Variants in SULT1C3 observed in about 807,000 individuals in gnomAD.
The protein encoded by SULT1C3 is sulfotransferase 1C3.
In SULT1C3, 31 loss-of-function variants were observed where a neutral mutation model predicts 28.4. The observed-to-expected ratio is 1.09, with a 90% CI of 0.82 to 1.47. SULT1C3 has a LOEUF of 1.47. SULT1C3 is among the 40% of genes most tolerant of loss of function. The pLI is 0.00. For missense variants in SULT1C3, 307 were observed against 272.5 expected (o/e 1.13, Z -0.89); for synonymous variants, 106 against 92.2 (o/e 1.15, Z -0.86).
intron 1 of SULT1C3, among the ~76,000 whole-genome samples, chr2:108,243,181 T>C (rs1311810268): frequency 6.6e-6 from 1 of 152,194 alleles, no homozygotes; most frequent in African/African-American, 2.4e-5. Context: ...AAATTGTAAC[T>C]GAGACAGTGA....
chr2:108,246,429 T>C (rs1229010735), intron 1 of SULT1C3, among the ~76,000 whole-genome samples: 1 of 152,090 alleles, frequency 6.6e-6, no homozygotes, highest in Admixed American at 6.6e-5. Context: ...CTCACAGTCA[T>C]GGTGGAAGGC....
At chr2:108,261,643 G>A (rs1676029583), downstream of SULT1C3, among the ~76,000 whole-genome samples, 1 of 152,048 alleles carries the variant, frequency 6.6e-6, no homozygotes, top group South Asian at 2.1e-4. Flanking sequence ...TGTAAGAAAG[G>A]GGGGAAATTT....
chr2:108,246,243 C>A (rs189731556), intron 1 of SULT1C3, among the ~76,000 whole-genome samples: 24 of 152,196 alleles, frequency 1.6e-4, no homozygotes, highest in Admixed American at 2.6e-4. Flanking sequence ...CTGCCTGTTA[C>A]CCAGTTCCAA....
intron 2 of SULT1C3, among the ~76,000 whole-genome samples, chr2:108,249,790 A>T (rs1333194483): frequency 6.6e-6 from 1 of 151,922 alleles, no homozygotes; most frequent in Admixed American, 6.6e-5. Context: ...TGATAGAGTA[A>T]AGTGGCAGGG....
At chr2:108,253,518 A>C (rs1675787514) in intron 4 of SULT1C3, 76 bp downstream of exon 4, 1 of 741,498 alleles carries the variant, frequency 1.3e-6, no homozygotes, top group Non-Finnish European at 2.0e-6. Flanking sequence ...CTTTCAAAAT[A>C]ATATACTTTG....
chr2:108,253,224 T>C (rs1403451380), intron 3 of SULT1C3, 121 bp from the exon 4 acceptor site: 2 of 528,802 alleles, frequency 3.8e-6, no homozygotes, highest in Non-Finnish European at 6.0e-6. Flanking sequence ...GATAAAAAAT[T>C]ACTATTTCCA....
rs374249405 is a variant in SULT1C3 at position 108,243,358 on chromosome 2, G to A, written c.-8+3275G>A. 5.4e-4 allele frequency among the ~76,000 whole-genome samples: 82 copies of A among 152,220 alleles called. 1 individual carries two copies. In the South Asian group the frequency reaches 0.012, roughly 22 times the overall value. On this transcript the variant is annotated intron_variant, in intron 1 of 7. Coordinates refer to ENST00000681802, the MANE Select transcript of SULT1C3 (RefSeq NM_001320878.2). Reference sequence around the variant, plus strand: ...TTAAGATATGTTTCCAGGGCCGGGCGCGGTGGCTCACACCTGTAATCCCAG... The same window carrying A: ...TTAAGATATGTTTCCAGGGCCGGGCACGGTGGCTCACACCTGTAATCCCAG...
At chr2:108,243,088 A>G (rs1434864410) in intron 1 of SULT1C3, among the ~76,000 whole-genome samples, 1 of 152,216 alleles carries the variant, frequency 6.6e-6, no homozygotes, top group Non-Finnish European at 1.5e-5. Flanking sequence ...GAAACCAATG[A>G]GCCTTAATTA....
chr2:108,250,988 A>G (rs1406220738), intron 2 of SULT1C3, among the ~76,000 whole-genome samples: 1 of 152,060 alleles, frequency 6.6e-6, no homozygotes, highest in Non-Finnish European at 1.5e-5. Context: ...AAATTTCCTT[A>G]AACTACACAT....
rs981466133 is a variant in SULT1C3 at position 108,251,968 on chromosome 2, A to C, written c.173-397A>C. On this transcript the variant is annotated intron_variant, in intron 2 of 7. Transcript: ENST00000681802. ...TATTGGAAGATACAGCATTTTTGGC[A>C]TGAAGTGTCATAATATAGGAAATGT... Among the ~76,000 whole-genome samples, 17 of 152,048 alleles carry C rather than the reference A, an allele frequency of 1.1e-4. 1 individual carries two copies. Among genetic ancestry groups the C allele is most frequent in the Non-Finnish European group, 2.4e-4 (16 of 67,950 alleles).
chr2:108,252,566 G>C (rs1675759218), intron 3 of SULT1C3, 73 bp downstream of exon 3: 2 of 1,543,396 alleles, frequency 1.3e-6, no homozygotes, highest in Admixed American at 3.8e-5. Context: ...GTCTCTGATA[G>C]AGCATCCGTG....
rs758031794 is a variant in SULT1C3, at chr2:108,259,011, ACTTGGT to A, written c.669_674del (p.Trp224_Ser225del). ...CAAGGTGTTGGAATTCTTGGAGAAA[ACTTGGT>A]CAGGTGATGTTATAAACAAGATTGT... On this transcript the variant is annotated inframe_deletion, in exon 7 of 8. Transcript: ENST00000681802. The A allele has an allele frequency of 9.2e-6, 3 of 326,370 alleles. No homozygotes were observed. The South Asian group carries it at 1.2e-4, about 13-fold the overall frequency. 20.2% of individuals were successfully genotyped at this position (326,370 alleles called of 1,614,324 possible).
At chr2:108,263,229 T>C (rs1225340587), downstream of SULT1C3, among the ~76,000 whole-genome samples, 1 of 152,158 alleles carries the variant, frequency 6.6e-6, no homozygotes, top group Non-Finnish European at 1.5e-5. Flanking sequence ...TAATCCTAAC[T>C]GGGTACTGTT....
chr2:108,241,791 A>G (rs1675465524), intron 1 of SULT1C3, among the ~76,000 whole-genome samples: 2 of 151,962 alleles, frequency 1.3e-5, no homozygotes, highest in Admixed American at 1.3e-4. Flanking sequence ...GCTGGGCATG[A>G]TGGCGGGTGC....
At chr2:108,264,078 G>A (rs758605163), downstream of SULT1C3, among the ~76,000 whole-genome samples, 40 of 152,242 alleles carry the variant, frequency 2.6e-4, no homozygotes, top group Non-Finnish European at 4.0e-4. Flanking sequence ...ACATCATAAA[G>A]CAAAGTTTAA....
chr2:108,265,283 G>A (rs142520746), downstream of SULT1C3: 2 of 1,613,924 alleles, frequency 1.2e-6, no homozygotes. Flanking sequence ...GGCCCAAAAT[G>A]AAGAATTTGA....
At chr2:108,245,878 T>C (rs1265535512) in intron 1 of SULT1C3, among the ~76,000 whole-genome samples, 2 of 152,186 alleles carry the variant, frequency 1.3e-5, no homozygotes, top group African/African-American at 4.8e-5. Flanking sequence ...TTTTCCAAAC[T>C]TTTATGCTCT....
At chr2:108,240,674 G>T (rs1675443493) in intron 1 of SULT1C3, among the ~76,000 whole-genome samples, 1 of 152,172 alleles carries the variant, frequency 6.6e-6, no homozygotes, top group Non-Finnish European at 1.5e-5. Flanking sequence ...AGCTGTAGGA[G>T]ATACCACTTG....
At chr2:108,262,697 A>G (rs1676050295), downstream of SULT1C3, among the ~76,000 whole-genome samples, 1 of 152,208 alleles carries the variant, frequency 6.6e-6, no homozygotes, top group South Asian at 2.1e-4. Flanking sequence ...TATTTTGGCT[A>G]TGGGCTACTA....
Sources: allele counts gnomAD v4.1 joint callset (sites outside exome capture counted in the v4.1 genomes callset), GRCh38; gene constraint gnomAD v4.1.1; transcripts MANE v1.5; gene names NCBI Gene and HGNC (gene_info 2026-07-23, HGNC 2026-07-21).